ZC3H12B: variants seen among roughly 807,000 people sequenced by gnomAD.
ZC3H12B encodes the protein zinc finger CCCH-type containing 12B.
ZC3H12B carries 7 observed loss-of-function variants against 43.9 expected under a neutral mutation model. That is an observed-to-expected ratio of 0.16 (90% CI 0.09 to 0.30). ZC3H12B has a LOEUF of 0.30. Among genes scored for constraint, ZC3H12B ranks in the 10% least tolerant of loss-of-function variants. The probability of loss-of-function intolerance (pLI) is 1.00; values close to 1 mark genes in which losing one functional copy is unlikely to be tolerated. For missense variants in ZC3H12B, 475 were observed against 670.2 expected, an observed-to-expected ratio of 0.71 and a Z score of 3.22; for synonymous variants, 222 against 241.7, an observed-to-expected ratio of 0.92 and a Z score of 0.76.
At chrX:65,339,693 G>A in the ZC3H12B span, among the ~76,000 whole-genome samples, 1 of 111,106 alleles carries the variant, frequency 9.0e-6, no homozygotes, top group East Asian at 2.9e-4. Flanking sequence ...GGGTTTCCTG[G>A]GACCCCAGCC....
the ZC3H12B span, among the ~76,000 whole-genome samples, chrX:65,246,383 C>T: frequency 8.9e-6 from 1 of 112,377 alleles, no homozygotes; most frequent in South Asian, 3.7e-4. Context: ...CCACCATTGA[C>T]ATTCTTCACA....
the ZC3H12B span, among the ~76,000 whole-genome samples, chrX:65,189,124 A>C: frequency 9.6e-6 from 1 of 104,296 alleles, no homozygotes; most frequent in African/African-American, 3.6e-5. Context: ...AAGGACATGA[A>C]CTCATCATTT....
intron 3 of ZC3H12B, among the ~76,000 whole-genome samples, chrX:65,472,534 T>A (rs1188296156): frequency 1.8e-5 from 2 of 109,820 alleles, no homozygotes; most frequent in African/African-American, 6.6e-5. Context: ...CCTGTTTTCT[T>A]CTATAAATTC....
chrX:65,237,325 G>A, the ZC3H12B span, among the ~76,000 whole-genome samples: 3 of 110,907 alleles, frequency 2.7e-5, no homozygotes, highest in Non-Finnish European at 3.8e-5. Context: ...TTTTTTTGTA[G>A]CATTTATGAA....
In ZC3H12B at chrX:65,394,274, C is replaced by T. The variant is rs183838166; in HGVS notation, n.296-4319C>T. 1.1e-3 allele frequency among the ~76,000 whole-genome samples: 127 copies of T among 111,995 alleles called. No individual in the cohort carries two copies. The Middle Eastern group carries it at 0.037, about 32-fold the overall frequency. On this transcript the variant is annotated intron_variant and non_coding_transcript_variant, in intron 2 of 5. Transcript: ENST00000617377. The stretch of plus-strand genomic sequence containing the variant: ...GGTGTTTTAGCCATGAAGTCTTTTT[C>T]CCTTGCCTATGTCTTGAATGGTATT...
chrX:65,055,480 C>T, the ZC3H12B span, among the ~76,000 whole-genome samples: 12 of 111,543 alleles, frequency 1.1e-4, no homozygotes, highest in Non-Finnish European at 1.9e-4. Context: ...TTGCTGGATT[C>T]GGTTTGCCAG....
intron 3 of ZC3H12B, among the ~76,000 whole-genome samples, chrX:65,465,982 C>T (rs1249136040): frequency 3.6e-5 from 4 of 110,485 alleles, no homozygotes; most frequent in African/African-American, 1.3e-4. Flanking sequence ...CATCACCTCA[C>T]ATAGTTATCA....
chrX:65,054,120 C>T, the ZC3H12B span, among the ~76,000 whole-genome samples: 1 of 111,692 alleles, frequency 9.0e-6, no homozygotes, highest in African/African-American at 3.3e-5. Flanking sequence ...TAATTAGATC[C>T]CATTTGTCAA....
the ZC3H12B span, among the ~76,000 whole-genome samples, chrX:65,161,077 G>A: frequency 1.8e-5 from 2 of 111,053 alleles, no homozygotes; most frequent in Non-Finnish European, 3.8e-5. Flanking sequence ...AGTTTTTAGT[G>A]AGTTTCTTAA....
chrX:65,080,196 A>G, the ZC3H12B span, among the ~76,000 whole-genome samples: 1 of 107,807 alleles, frequency 9.3e-6, no homozygotes, highest in Non-Finnish European at 1.9e-5. Flanking sequence ...AAGAAAAAAA[A>G]AAAAACAATG....
the ZC3H12B span, chrX:65,184,882 CTAA>C: frequency 2.7e-5 from 3 of 111,226 alleles, no homozygotes; most frequent in Non-Finnish European, 5.7e-5. Context: ...TAATTGACAC[CTAA>C]TAATTATACA....
the ZC3H12B span, among the ~76,000 whole-genome samples, chrX:65,195,326 C>A: frequency 9.0e-6 from 1 of 111,130 alleles, no homozygotes; most frequent in Non-Finnish European, 1.9e-5. Context: ...TTTTGCATAT[C>A]TTTGTGGGTT....
At chrX:65,060,619 T>C in the ZC3H12B span, among the ~76,000 whole-genome samples, 1 of 111,993 alleles carries the variant, frequency 8.9e-6, no homozygotes, top group African/African-American at 3.2e-5. Context: ...TTGTTGAGGA[T>C]TTTTGCATCA....
the ZC3H12B span, among the ~76,000 whole-genome samples, chrX:65,139,784 G>A: frequency 2.7e-5 from 3 of 111,331 alleles, no homozygotes; most frequent in African/African-American, 9.8e-5. Flanking sequence ...ATAGTTACTA[G>A]TATAGAGGTA....
At chrX:65,506,519 A>G (rs1444411350) in exon 5 of ZC3H12B, 1 of 112,278 alleles carries the variant, frequency 8.9e-6, no homozygotes, top group Non-Finnish European at 1.9e-5. Context: ...TGTGTCCTTC[A>G]GGATACTTAC....
At chrX:65,352,949 G>T in the ZC3H12B span, among the ~76,000 whole-genome samples, 5 of 111,427 alleles carry the variant, frequency 4.5e-5, no homozygotes, top group South Asian at 1.9e-3. Flanking sequence ...CTAGGCTCAA[G>T]TGATCCTCCC....
At chrX:65,179,230 G>T in the ZC3H12B span, among the ~76,000 whole-genome samples, 2 of 109,129 alleles carry the variant, frequency 1.8e-5, no homozygotes, top group African/African-American at 6.7e-5. Flanking sequence ...ACACAGGGAG[G>T]GGAACATCAC....
chrX:65,499,912 G>A (rs1238656617), exon 4 of ZC3H12B: 5 of 1,211,230 alleles, frequency 4.1e-6, no homozygotes, highest in East Asian at 3.0e-5. Flanking sequence ...CCATTAGGAC[G>A]CCACGGCCCA....
At chrX:65,227,237 A>G in the ZC3H12B span, among the ~76,000 whole-genome samples, 15 of 111,345 alleles carry the variant, frequency 1.3e-4, no homozygotes, top group African/African-American at 4.9e-4. Context: ...CTCACTCAAA[A>G]CCGCTCAACT....
Sources: allele counts gnomAD v4.1 joint callset (sites outside exome capture counted in the v4.1 genomes callset), GRCh38; gene constraint gnomAD v4.1.1; transcripts MANE v1.5; gene names NCBI Gene and HGNC (gene_info 2026-07-23, HGNC 2026-07-21).